Variants in WDR33 observed in about 807,000 individuals in gnomAD.
WDR33 encodes the protein WD repeat domain 33, also known as pre-mRNA 3' end processing protein WDR33.
A neutral mutation model predicts 164.9 loss-of-function variants in WDR33; 47 were observed. The ratio of observed to expected loss-of-function variants is 0.29; its 90% confidence interval spans 0.23 to 0.36. The LOEUF (loss-of-function observed/expected upper bound fraction) is 0.36. Ranked by LOEUF, WDR33 falls within the 10% of genes least tolerant of loss-of-function variation. The probability of loss-of-function intolerance (pLI) is 1.00; values close to 1 mark genes in which losing one functional copy is unlikely to be tolerated. For synonymous variants in WDR33, 505 were observed against 589.0 expected (o/e 0.86, Z 2.06); for missense variants, 1,137 against 1,754.1 (o/e 0.65, Z 6.28).
Position 127,725,720 on chromosome 2 carries a change from C to A in WDR33, c.852-505G>T, listed in dbSNP as rs547619205. Among the ~76,000 whole-genome samples, 132 of 147,206 alleles carry A rather than the reference C, an allele frequency of 9.0e-4. 2 individuals carry two copies. In the South Asian group the frequency reaches 0.027, roughly 30 times the overall value. ...ATGCACTCTAGTCTGGGTGACAGAG[C>A]GAGACTCTGTCTCAAAATAATAATA... On this transcript the variant is annotated intron_variant, in intron 8 of 21. Transcript: ENST00000322313.
At position 127,799,710 on chromosome 2, in the gene WDR33, G is replaced by C. The variant is rs545372590; in HGVS notation, c.-24+11302C>G. On this transcript the variant is annotated intron_variant, in intron 1 of 21. Transcript: ENST00000322313. ...CTCAGGAGGCTGAAGCAGGAGAATC[G>C]CATCAATAGAAAAATGCAAAACAAA... Among the ~76,000 whole-genome samples the C allele has an allele frequency of 2.0e-5, 3 of 152,206 alleles. No homozygotes were observed. The South Asian group carries it at 6.2e-4, about 32-fold the overall frequency.
At chr2:127,808,255 T>C (rs1015998640) in intron 1 of WDR33, among the ~76,000 whole-genome samples, 2 of 152,240 alleles carry the variant, frequency 1.3e-5, no homozygotes, top group Non-Finnish European at 2.9e-5. Context: ...ATAGTTAACA[T>C]TCTTATATAC....
chr2:127,797,947 G>A (rs1394835296), intron 1 of WDR33, among the ~76,000 whole-genome samples: 2 of 152,034 alleles, frequency 1.3e-5, no homozygotes, highest in East Asian at 1.9e-4. Context: ...CCAGGAAGTC[G>A]AGGTTCCAGT....
intron 7 of WDR33, among the ~76,000 whole-genome samples, chr2:127,729,922 G>A (rs1377665343): frequency 6.6e-6 from 1 of 152,130 alleles, no homozygotes; most frequent in Non-Finnish European, 1.5e-5. Context: ...AAAAGTATGT[G>A]TAGCATGCTA....
chr2:127,775,066 T>C (rs1015116355), intron 1 of WDR33, among the ~76,000 whole-genome samples: 3 of 151,850 alleles, frequency 2.0e-5, no homozygotes, highest in African/African-American at 7.3e-5. Flanking sequence ...ACAGAGATGG[T>C]GGCTGCAAAA....
At chr2:127,810,749 G>C (rs1689621721) in intron 1 of WDR33, 1 of 151,810 alleles carries the variant, frequency 6.6e-6, no homozygotes, top group African/African-American at 2.4e-5. Flanking sequence ...CCTGACTTAC[G>C]TCTTCTCGTC....
intron 1 of WDR33, among the ~76,000 whole-genome samples, chr2:127,785,538 T>A (rs1688532646): frequency 6.6e-6 from 1 of 152,230 alleles, no homozygotes; most frequent in African/African-American, 2.4e-5. Flanking sequence ...AGTTTTGCCC[T>A]TTCCAGAATG....
rs149677980 is a variant in WDR33, at chr2:127,721,400, G to A, written c.1671+436C>T. Among the ~76,000 whole-genome samples, 30 of 152,192 alleles carry A rather than the reference G, an allele frequency of 2.0e-4. No individual in the cohort carries two copies. The East Asian group carries it at 4.6e-3, about 23-fold the overall frequency. ...TGGGATTACAGGTGTAAGCCACCAC[G>A]CCTGACCCTAATTGGGTTTTAAAAG... On this transcript the variant is annotated intron_variant, in intron 15 of 21. Transcript: ENST00000322313. This position sits in a 1 kb window ranked among gnomAD's most constrained non-coding sequence, Gnocchi z 4.9.
rs1173934869 is a variant in WDR33 at position 127,703,931 on chromosome 2, A to G, written c.*2392T>C. The G allele has an allele frequency of 6.0e-6, 1 of 166,786 alleles. No individual in the cohort carries two copies. Among genetic ancestry groups the G allele is most frequent in the Non-Finnish European group, 1.5e-5 (1 of 68,126 alleles). 10.3% of individuals were successfully genotyped at this position (166,786 alleles called of 1,614,324 possible). A position where few individuals can be genotyped will look rare whatever the true frequency, so the allele number is the denominator to read the frequency against. On this transcript the variant is annotated 3_prime_UTR_variant, in exon 22 of 22. Transcript: ENST00000322313. ...CCAGGAGTTCAAGACCAGCCTGGGC[A>G]ACACAGTTAAACCCCATCGCCACAG... is the stretch of plus-strand genomic sequence containing the variant.
chr2:127,768,526 C>T (rs1687892597), intron 3 of WDR33, among the ~76,000 whole-genome samples: 1 of 152,088 alleles, frequency 6.6e-6, no homozygotes, highest in Non-Finnish European at 1.5e-5. Context: ...AATCAAGTAC[C>T]AGTACTAACC....
intron 4 of WDR33, 131 bp downstream of exon 4, chr2:127,768,058 T>C: frequency 1.9e-6 from 1 of 522,732 alleles, no homozygotes; most frequent in Non-Finnish European, 3.1e-6. Context: ...AAAATAAAAT[T>C]ACTAGCAATA....
At chr2:127,711,279 G>A (rs567838300) in intron 18 of WDR33, among the ~76,000 whole-genome samples, 3 of 152,018 alleles carry the variant, frequency 2.0e-5, no homozygotes, top group African/African-American at 4.8e-5. Flanking sequence ...ACAAAAATTA[G>A]CTGGGCGTGG....
intron 7 of WDR33, among the ~76,000 whole-genome samples, chr2:127,732,246 G>A (rs1298240804): frequency 6.6e-6 from 1 of 151,898 alleles, no homozygotes; most frequent in East Asian, 1.9e-4. Flanking sequence ...GTTTTTTAGG[G>A]AGATGAAATG....
intron 1 of WDR33, among the ~76,000 whole-genome samples, chr2:127,786,582 C>T (rs1688581889): frequency 6.6e-6 from 1 of 152,160 alleles, no homozygotes; most frequent in African/African-American, 2.4e-5. Context: ...ACACAGGAGG[C>T]TACAGCATGA....
chr2:127,756,199 T>A (rs892947898), intron 7 of WDR33, among the ~76,000 whole-genome samples: 1 of 152,038 alleles, frequency 6.6e-6, no homozygotes, highest in African/African-American at 2.4e-5. Flanking sequence ...CTGGGTCTTG[T>A]GGTGCATGCC....
At chr2:127,761,637 G>C (rs1054796514) in intron 7 of WDR33, among the ~76,000 whole-genome samples, 1 of 152,168 alleles carries the variant, frequency 6.6e-6, no homozygotes, top group African/African-American at 2.4e-5. Flanking sequence ...CATAAGTGTG[G>C]CATTAGGCTG....
intron 1 of WDR33, among the ~76,000 whole-genome samples, chr2:127,779,058 T>C (rs1212177124): frequency 2.0e-5 from 3 of 151,900 alleles, no homozygotes; most frequent in Non-Finnish European, 2.9e-5. Context: ...AATGCTGACA[T>C]GAAATATCAT....
chr2:127,770,964 A>T lies in WDR33; in HGVS notation c.18T>A (p.Gly6=), dbSNP rs543154934. MATEI[G]SPPRFFHMPR... Reference sequence around the variant, plus strand: ...GCATATGGAAAAAACGAGGAGGAGAACCAATTTCTGTAGCCATGGTGATGT... The same window carrying T: ...GCATATGGAAAAAACGAGGAGGAGATCCAATTTCTGTAGCCATGGTGATGT... The change falls in exon 2 of 22, where the codon GGT becomes GGA. Residue 6 remains glycine (G), a synonymous_variant. Transcript: ENST00000322313. The surrounding 1 kb of genome is among the most constrained non-coding windows in gnomAD (Gnocchi z 4.9). The T allele has an allele frequency of 6.2e-6, 10 of 1,613,938 alleles. No individual in the cohort carries two copies. In the East Asian group the frequency reaches 2.2e-4, roughly 36 times the overall value.
At position 127,759,390 on chromosome 2, in the gene WDR33, A is replaced by G. The variant is rs1365175580; in HGVS notation, c.724+3672T>C. On this transcript the variant is annotated intron_variant, in intron 7 of 21. Transcript: ENST00000322313. ...GCGTAAGAACAATCTCAGAAATACT[A>G]TAATAAAAAGCAACTACAGGCCAGG... 7.2e-5 allele frequency among the ~76,000 whole-genome samples: 11 copies of G among 152,284 alleles called. No individual in the cohort carries two copies. In the East Asian group the frequency reaches 1.2e-3, roughly 16 times the overall value.
Sources: gnomAD v4.1 joint callset for allele counts (sites outside exome capture counted in the v4.1 genomes callset) on GRCh38, gnomAD v4.1.1 for gene constraint, Gnocchi (gnomAD v3.1) non-coding constraint, MANE v1.5 for transcripts, NCBI Gene and HGNC (gene_info 2026-07-23, HGNC 2026-07-21) for gene names.